The following PARD3 variants were observed in gnomAD, a reference collection of about 807,000 sequenced individuals.
PARD3 encodes the protein partitioning defective 3 homolog.
Under a neutral mutation model 155.4 loss-of-function variants are expected in PARD3, and 75 were observed. The ratio of observed to expected loss-of-function variants is 0.48; its 90% CI spans 0.40 to 0.58. PARD3 has a LOEUF of 0.58. Ranked by LOEUF, PARD3 falls within the 20% of genes least tolerant of loss-of-function variation. PARD3 has a pLI of 0.00. For synonymous variants in PARD3, 576 were observed against 610.5 expected (o/e 0.94, Z 0.83); for missense variants, 1,642 against 1,721.7 (o/e 0.95, Z 0.82).
At chr10:34,197,006 T>C (rs1159884597) in intron 22 of PARD3, among the ~76,000 whole-genome samples, 1 of 152,168 alleles carries the variant, frequency 6.6e-6, no homozygotes, top group South Asian at 2.1e-4. Flanking sequence ...GCTGGTGGTA[T>C]CTGGAGGCCA....
chr10:34,349,271 T>C (rs547069895), intron 14 of PARD3, among the ~76,000 whole-genome samples: 2 of 152,276 alleles, frequency 1.3e-5, no homozygotes, highest in East Asian at 1.9e-4. Flanking sequence ...AAGTTTCGAA[T>C]TGTAGACTTA....
At chr10:34,281,321 T>C (rs1350950155) in intron 21 of PARD3, among the ~76,000 whole-genome samples, 1 of 152,124 alleles carries the variant, frequency 6.6e-6, no homozygotes, top group Admixed American at 6.6e-5. Context: ...CAACAGCATC[T>C]CTGAAAAAAT....
intron 2 of PARD3, among the ~76,000 whole-genome samples, chr10:34,524,654 A>T (rs1255672080): frequency 1.3e-5 from 2 of 152,222 alleles, no homozygotes; most frequent in Non-Finnish European, 2.9e-5. Flanking sequence ...ACTCTCTATC[A>T]TGAGTGCCAC....
chr10:34,442,052 C>A (rs1016543069), intron 5 of PARD3, among the ~76,000 whole-genome samples: 1 of 152,110 alleles, frequency 6.6e-6, no homozygotes, highest in Non-Finnish European at 1.5e-5. Flanking sequence ...GAGATAAACA[C>A]GACTATTTTG....
chr10:34,357,612 G>A (rs1457173617), intron 14 of PARD3, among the ~76,000 whole-genome samples: 1 of 152,166 alleles, frequency 6.6e-6, no homozygotes, highest in Non-Finnish European at 1.5e-5. Flanking sequence ...ATCAGTCCAG[G>A]AGGGACGGAA....
chr10:34,770,738 C>T (rs10827421), intron 1 of PARD3, among the ~76,000 whole-genome samples: 49,990 of 152,042 alleles, frequency 0.33, 10,252 homozygotes, highest in Non-Finnish European at 0.45. Context: ...TTAGGAAAGG[C>T]AGATAAATTG....
intron 7 of PARD3, among the ~76,000 whole-genome samples, chr10:34,395,700 G>A (rs1250547135): frequency 1.2e-5 from 1 of 80,026 alleles, no homozygotes; most frequent in Non-Finnish European, 2.1e-5. Flanking sequence ...AGCCGGGCGC[G>A]GTGGCGGGCG....
intron 1 of PARD3, among the ~76,000 whole-genome samples, chr10:34,721,635 C>T (rs1483584154): frequency 2.6e-5 from 4 of 152,206 alleles, no homozygotes; most frequent in Admixed American, 6.5e-5. Context: ...TTCCACATTG[C>T]GAATCACACA....
At chr10:34,627,943 A>G (rs1253126428) in intron 2 of PARD3, among the ~76,000 whole-genome samples, 1 of 152,018 alleles carries the variant, frequency 6.6e-6, no homozygotes, top group East Asian at 1.9e-4. Flanking sequence ...AAGAGTCCAA[A>G]GTTGCTGCAA....
In PARD3 at chr10:34,437,258, G is replaced by C. The variant is rs942579358; in HGVS notation, c.714+13059C>G. Among the ~76,000 whole-genome samples, 3 of 152,044 alleles carry C rather than the reference G, an allele frequency of 2.0e-5. No individual in the cohort carries two copies. In the East Asian group the frequency reaches 5.8e-4, roughly 29 times the overall value. On this transcript the variant is annotated intron_variant, in intron 5 of 24. Transcript: ENST00000374788. ...AAAAACAAAAAATCCTCTATAGCCT[G>C]TATGGGGTATCCTCAAACCAGGATA...
rs1326580829 is a variant in PARD3 at position 34,459,312 on chromosome 10, G to A, written c.583-8864C>T. On this transcript the variant is annotated intron_variant, in intron 4 of 24. Coordinates refer to ENST00000374788, the MANE Select transcript of PARD3 (RefSeq NM_001184785.2). ...CTCCAGCACAGCTGGGACTACAGGC[G>A]CCCACCACCATGCCCAGCTAATTTT... Among the ~76,000 whole-genome samples, 4 of 152,114 alleles carry A rather than the reference G, an allele frequency of 2.6e-5. No homozygotes were observed. In the East Asian group the frequency reaches 7.8e-4, roughly 29 times the overall value.
intron 18 of PARD3, among the ~76,000 whole-genome samples, chr10:34,332,135 A>G (rs554256379): frequency 2.0e-5 from 3 of 152,182 alleles, no homozygotes; most frequent in African/African-American, 7.2e-5. Flanking sequence ...AGAACATTTC[A>G]TGAGGATGAC....
intron 2 of PARD3, among the ~76,000 whole-genome samples, chr10:34,580,048 G>T (rs2087294792): frequency 6.6e-6 from 1 of 151,630 alleles, no homozygotes; most frequent in Non-Finnish European, 1.5e-5. Context: ...TGTGTAACTG[G>T]GATTACAGGT....
At chr10:34,579,554 CTGTG>C (rs554959827) in intron 2 of PARD3, among the ~76,000 whole-genome samples, 2,901 of 122,528 alleles carry the variant, frequency 0.024, 88 homozygotes, top group African/African-American at 0.074. Context: ...ACCATTTTCT[CTGTG>C]TGTGTGTGTG....
At position 34,331,351 on chromosome 10, in the gene PARD3, G is replaced by T. The variant is rs1055197507; in HGVS notation, c.2606-7C>A. 24 of 1,595,532 alleles carry T rather than the reference G, an allele frequency of 1.5e-5. 1 individual carries two copies. In the Admixed American group the frequency reaches 3.2e-4, roughly 21 times the overall value. Reference sequence around the variant, plus strand: ...ACATCTCTGCTGGGAGAACCTGGGAGGTTTACAAGAAAAAAAATGTTAGTG... The same window carrying T: ...ACATCTCTGCTGGGAGAACCTGGGATGTTTACAAGAAAAAAAATGTTAGTG... On this transcript the variant is annotated splice_region_variant and splice_polypyrimidine_tract_variant and intron_variant, in intron 18 of 24. Coordinates refer to ENST00000374788, the MANE Select transcript of PARD3 (RefSeq NM_001184785.2).
intron 1 of PARD3, among the ~76,000 whole-genome samples, chr10:34,784,717 G>A (rs1389168681): frequency 1.3e-5 from 2 of 152,210 alleles, no homozygotes; most frequent in East Asian, 1.9e-4. Context: ...GACTGCAGGC[G>A]TGAGCCACCG....
intron 2 of PARD3, among the ~76,000 whole-genome samples, chr10:34,689,716 A>G (rs932582296): frequency 6.6e-6 from 1 of 152,220 alleles, no homozygotes; most frequent in East Asian, 1.9e-4. Flanking sequence ...TCGCAGAAGG[A>G]TACAAAATCT....
rs181678094 is a variant in PARD3 at position 34,679,449 on chromosome 10, G to C, written c.222+16869C>G. 4.6e-5 allele frequency among the ~76,000 whole-genome samples: 7 copies of C among 152,256 alleles called. No individual in the cohort carries two copies. The East Asian group carries it at 1.4e-3, about 29-fold the overall frequency. On this transcript the variant is annotated intron_variant, in intron 2 of 24. Coordinates refer to ENST00000374788, the MANE Select transcript of PARD3 (RefSeq NM_001184785.2). ...TTGCCAAAATAGACAGAGGGCTATAGGATAGGATCAAATCACCACTCCTAC... is the reference window on the plus strand; with the variant it reads ...TTGCCAAAATAGACAGAGGGCTATACGATAGGATCAAATCACCACTCCTAC...
At chr10:34,812,812 G>A (rs1844361083) in intron 1 of PARD3, among the ~76,000 whole-genome samples, 1 of 151,886 alleles carries the variant, frequency 6.6e-6, no homozygotes, top group African/African-American at 2.4e-5. Context: ...CAGCTCATAG[G>A]CCCCTTTTCT....
Sources: allele counts gnomAD v4.1 joint callset (sites outside exome capture counted in the v4.1 genomes callset), GRCh38; gene constraint gnomAD v4.1.1; transcripts MANE v1.5; gene names NCBI Gene and HGNC (gene_info 2026-07-23, HGNC 2026-07-21).